Variants in STX8 observed in about 807,000 individuals in gnomAD.
The protein encoded by STX8 is syntaxin-8.
Under a neutral mutation model 37.5 loss-of-function variants are expected in STX8, and 23 were observed. That is an observed-to-expected ratio of 0.61 (90% CI 0.44 to 0.87). The LOEUF (loss-of-function observed/expected upper bound fraction) is 0.87. Among genes scored for constraint, STX8 ranks in the 40% least tolerant of loss-of-function variants. STX8 has a pLI of 0.00. For synonymous variants in STX8, 115 were observed against 99.1 expected, an observed-to-expected ratio of 1.16 and a Z score of -0.95; for missense variants, 313 against 284.7, an observed-to-expected ratio of 1.10 and a Z score of -0.71.
intron 7 of STX8, among the ~76,000 whole-genome samples, chr17:9,326,895 C>T (rs1197201256): frequency 6.6e-6 from 1 of 152,330 alleles, no homozygotes; most frequent in East Asian, 1.9e-4. Context: ...CATGGTGGCT[C>T]ACGCCTGTAA....
intron 6 of STX8, among the ~76,000 whole-genome samples, chr17:9,411,994 A>G (rs1912995360): frequency 6.6e-6 from 1 of 152,206 alleles, no homozygotes; most frequent in Admixed American, 6.5e-5. Flanking sequence ...AAAGAATACA[A>G]GTACATGGAA....
intron 7 of STX8, among the ~76,000 whole-genome samples, chr17:9,269,427 G>C (rs972913212): frequency 2.0e-5 from 3 of 152,172 alleles, no homozygotes; most frequent in African/African-American, 7.2e-5. Flanking sequence ...TTACATATTA[G>C]CATGTTCAAG....
chr17:9,473,706 C>T (rs1462030323), intron 6 of STX8, among the ~76,000 whole-genome samples: 4 of 152,092 alleles, frequency 2.6e-5, no homozygotes, highest in South Asian at 2.1e-4. Context: ...TTCATGGATG[C>T]GGAACCCACA....
intron 6 of STX8, among the ~76,000 whole-genome samples, chr17:9,408,263 C>T (rs992053499): frequency 2.0e-5 from 3 of 152,144 alleles, no homozygotes; most frequent in Middle Eastern, 3.4e-3. Flanking sequence ...GCTTTGGACT[C>T]CATTTGTGGC....
intron 6 of STX8, among the ~76,000 whole-genome samples, chr17:9,402,183 G>A (rs947947795): frequency 1.3e-5 from 2 of 151,906 alleles, no homozygotes; most frequent in African/African-American, 4.8e-5. Context: ...GCAATGGCAC[G>A]ATCTCGGCTC....
At position 9,546,387 on chromosome 17, in the gene STX8, T is replaced by TAA. The variant is rs56901611; in HGVS notation, c.213-1107_213-1106dup. On this transcript the variant is annotated intron_variant, in intron 3 of 7. Transcript: ENST00000306357. ...TCCACAACAATTCATAAGTGATGGT[T>TAA]AAAAAAAAAAAACCAAACAACCATC... is the stretch of plus-strand genomic sequence containing the variant. Among the ~76,000 whole-genome samples the TAA allele has an allele frequency of 8.1e-3, 1,180 of 146,392 alleles. 8 individuals are homozygous for TAA. The highest frequency in any genetic ancestry group is 0.018 in the South Asian group (84 of 4,658).
intron 7 of STX8, among the ~76,000 whole-genome samples, chr17:9,271,458 A>G (rs1426476046): frequency 1.3e-5 from 2 of 152,098 alleles, no homozygotes; most frequent in East Asian, 3.9e-4. Context: ...GTCTCAAAAA[A>G]GAAAGAAATG....
At chr17:9,509,142 A>T (rs896356983) in intron 4 of STX8, among the ~76,000 whole-genome samples, 1 of 152,228 alleles carries the variant, frequency 6.6e-6, no homozygotes, top group Admixed American at 6.5e-5. Flanking sequence ...CCAGCTACTC[A>T]GGAGGCAGAG....
intron 6 of STX8, among the ~76,000 whole-genome samples, chr17:9,381,703 G>A (rs532535260): frequency 6.6e-6 from 1 of 152,348 alleles, no homozygotes; most frequent in South Asian, 2.1e-4. Flanking sequence ...TGGGCTGGTG[G>A]CTCACGCCTG....
At chr17:9,441,652 A>G (rs963469781) in intron 6 of STX8, among the ~76,000 whole-genome samples, 2 of 146,896 alleles carry the variant, frequency 1.4e-5, no homozygotes, top group South Asian at 4.3e-4. Context: ...GCTCTTCTCC[A>G]TCTATGCTCA....
At chr17:9,376,565 G>A (rs535838830) in intron 7 of STX8, among the ~76,000 whole-genome samples, 6 of 152,266 alleles carry the variant, frequency 3.9e-5, no homozygotes, top group African/African-American at 1.2e-4. Flanking sequence ...TGACCCGCTC[G>A]GGTCCCCTTA....
intron 7 of STX8, among the ~76,000 whole-genome samples, chr17:9,327,366 G>A (rs544027364): frequency 2.1e-5 from 3 of 142,474 alleles, no homozygotes; most frequent in South Asian, 4.3e-4. Context: ...AGAGGGAGAG[G>A]GAGAAGGAGG....
At chr17:9,530,615 T>A (rs928194934) in intron 4 of STX8, among the ~76,000 whole-genome samples, 1 of 152,220 alleles carries the variant, frequency 6.6e-6, no homozygotes, top group Non-Finnish European at 1.5e-5. Context: ...CCATTGAATA[T>A]CCTCTTGTGA....
At chr17:9,493,322 A>AT (rs1906939503) in intron 5 of STX8, among the ~76,000 whole-genome samples, 1 of 152,190 alleles carries the variant, frequency 6.6e-6, no homozygotes, top group Admixed American at 6.6e-5. Context: ...GGCTGCTTGA[A>AT]TACTTTTTCC....
intron 6 of STX8, among the ~76,000 whole-genome samples, chr17:9,417,885 C>T (rs533374497): frequency 2.6e-5 from 4 of 152,188 alleles, no homozygotes; most frequent in Admixed American, 6.5e-5. Flanking sequence ...GCTCACTCCA[C>T]GGGGACAGGA....
chr17:9,463,048 T>A (rs1905462245), intron 6 of STX8, among the ~76,000 whole-genome samples: 1 of 152,172 alleles, frequency 6.6e-6, no homozygotes, highest in African/African-American at 2.4e-5. Context: ...AGCTCCCTGG[T>A]CTTCTAAGAA....
intron 6 of STX8, among the ~76,000 whole-genome samples, chr17:9,426,264 C>T (rs185614471): frequency 2.0e-5 from 3 of 152,224 alleles, no homozygotes; most frequent in Non-Finnish European, 2.9e-5. Flanking sequence ...CGATGGCTCA[C>T]GCCTGTAATC....
At chr17:9,385,701 G>A (rs984556707) in intron 6 of STX8, among the ~76,000 whole-genome samples, 1 of 152,212 alleles carries the variant, frequency 6.6e-6, no homozygotes, top group Non-Finnish European at 1.5e-5. Flanking sequence ...CGCTGTACAA[G>A]TATTTGTCAA....
chr17:9,542,230 T>C (rs140606452), intron 4 of STX8, among the ~76,000 whole-genome samples: 1,698 of 152,022 alleles, frequency 0.011, 34 homozygotes, highest in African/African-American at 0.038. Flanking sequence ...TGGTAGTGCG[T>C]GCCTGTGATC....
Sources: gnomAD v4.1 joint callset for allele counts (sites outside exome capture counted in the v4.1 genomes callset) on GRCh38, gnomAD v4.1.1 for gene constraint, MANE v1.5 for transcripts, NCBI Gene and HGNC (gene_info 2026-07-23, HGNC 2026-07-21) for gene names.